Variants in SYNPO2 observed in about 807,000 individuals in gnomAD.
SYNPO2 encodes synaptopodin 2.
SYNPO2 carries 56 observed loss-of-function variants against 85.0 expected under a neutral mutation model. That is an observed-to-expected ratio of 0.66 (90% CI 0.53 to 0.82). The LOEUF is 0.82. Ranked by LOEUF, SYNPO2 falls within the 40% of genes least tolerant of loss-of-function variation. SYNPO2 has a pLI of 0.00. For synonymous variants in SYNPO2, 602 were observed against 591.1 expected (o/e 1.02, Z -0.27); for missense variants, 1,575 against 1,534.2 (o/e 1.03, Z -0.44).
chr4:118,961,234 A>C (rs1181775260), intron 1 of SYNPO2, among the ~76,000 whole-genome samples: 1 of 151,942 alleles, frequency 6.6e-6, no homozygotes, highest in Non-Finnish European at 1.5e-5. Context: ...ACTGCACAGA[A>C]TATCCCCCCG....
At chr4:119,010,519 G>A (rs1032032037) in intron 1 of SYNPO2, among the ~76,000 whole-genome samples, 3 of 152,180 alleles carry the variant, frequency 2.0e-5, no homozygotes, top group Admixed American at 2.0e-4. Flanking sequence ...CCCACAACAT[G>A]TGGGAATTAT....
Position 119,030,678 on chromosome 4 carries a change from G to C in SYNPO2, c.1903G>C (p.Gly635Arg), listed in dbSNP as rs1738196477. Residue 635 changes from glycine to arginine, a missense_variant, in exon 4 of 5, where the codon GGG becomes CGG. Gly to Arg is a moderately radical substitution (Grantham distance 125). Coordinates refer to ENST00000307142, the MANE Select transcript of SYNPO2 (RefSeq NM_133477.3). ...VTPPPDAFSRGVSSPIAGPAQ... is the reference protein window; with the variant it reads ...VTPPPDAFSRRVSSPIAGPAQ... ...TCCTCCCCCTGACGCCTTCTCCAGA[G>C]GGGTTTCAAGTCCGATTGCTGGCCC... 2 of 1,614,194 alleles carry C rather than the reference G, an allele frequency of 1.2e-6. No individual in the cohort carries two copies. Among genetic ancestry groups the C allele is most frequent in the Middle Eastern group, 1.6e-4 (1 of 6,062 alleles).
intron 1 of SYNPO2, among the ~76,000 whole-genome samples, chr4:118,948,498 A>G (rs1734580112): frequency 6.6e-6 from 1 of 152,140 alleles, no homozygotes; most frequent in Admixed American, 6.5e-5. Context: ...ATAAAGGAAT[A>G]CCTGAGGCTG....
Position 119,057,987 on chromosome 4 carries a change from C to G in SYNPO2, c.*53C>G. On this transcript the variant is annotated 3_prime_UTR_variant, in exon 5 of 5. Transcript: ENST00000307142. ...CTGTAGTTTTTTAAAAAAAACGCTC[C>G]TTTGTAGGGTTTTAAACTTTTCTAA... is the stretch of plus-strand genomic sequence containing the variant. 3.9e-6 allele frequency: 6 copies of G among 1,539,674 alleles called. No homozygotes were observed. Among genetic ancestry groups the G allele is most frequent in the Non-Finnish European group, 5.2e-6 (6 of 1,146,790 alleles).
At position 119,058,068 on chromosome 4, in the gene SYNPO2, T is replaced by C; in HGVS notation, c.*134T>C. The C allele has an allele frequency of 1.1e-6, 1 of 922,422 alleles. No homozygotes were observed. The highest frequency in any genetic ancestry group is 2.9e-5 in the East Asian group (1 of 34,956). 57.1% of individuals were successfully genotyped at this position (922,422 alleles called of 1,614,324 possible). A position where few individuals can be genotyped will look rare whatever the true frequency, so the allele number is the denominator to read the frequency against. ...GTTCTCATAAGTCATTTATCTAAGTTTGTGTTTCTGTGTGTGTGTGTGTGT... is the reference window on the plus strand; with the variant it reads ...GTTCTCATAAGTCATTTATCTAAGTCTGTGTTTCTGTGTGTGTGTGTGTGT... On this transcript the variant is annotated 3_prime_UTR_variant, in exon 5 of 5. Coordinates refer to ENST00000307142, the MANE Select transcript of SYNPO2 (RefSeq NM_133477.3).
chr4:118,951,619 C>T (rs189620708), intron 1 of SYNPO2, among the ~76,000 whole-genome samples: 13 of 152,120 alleles, frequency 8.5e-5, no homozygotes, highest in Admixed American at 8.5e-4. Flanking sequence ...TTTTACTGCT[C>T]AACAAAATGA....
At chr4:118,853,666 C>A (rs1330976998) in intron 1 of SYNPO2, among the ~76,000 whole-genome samples, 4 of 152,092 alleles carry the variant, frequency 2.6e-5, no homozygotes, top group Non-Finnish European at 1.5e-5. Context: ...ACTCAAGTGG[C>A]TAGGGTGAGT....
chr4:118,958,546 G>T (rs1398054109), intron 1 of SYNPO2, among the ~76,000 whole-genome samples: 1 of 152,060 alleles, frequency 6.6e-6, no homozygotes, highest in Non-Finnish European at 1.5e-5. Flanking sequence ...TAGGTGTGAG[G>T]GTGGGCAATG....
chr4:119,027,274 A>G lies in SYNPO2; in HGVS notation c.905A>G (p.Gln302Arg). Reference protein sequence around the residue: ...DRQKTEGCRLQAGKECVDSPV... With the variant: ...DRQKTEGCRLRAGKECVDSPV... ...CAGAAGACAGAAGGGTGCAGGCTTC[A>G]GGCAGGAAAGGAGTGTGTGGATTCT... Residue 302 changes from glutamine (Q) to arginine (R), a missense_variant, in exon 3 of 5, where the codon CAG (glutamine) becomes CGG (arginine). Physicochemically the swap from Gln to Arg is conservative, Grantham distance 43. This residue lies in a region of SYNPO2 where 1,508 missense variants were observed against 1,446.8 expected (regional missense o/e 1.04). Transcript: ENST00000307142. The G allele has an allele frequency of 6.2e-7, 1 of 1,614,180 alleles. No homozygotes were observed. Among genetic ancestry groups the G allele is most frequent in the Non-Finnish European group, 8.5e-7 (1 of 1,180,042 alleles).
rs1737996830 is a variant in SYNPO2 at position 119,027,164 on chromosome 4, CAG to C, written c.800_801del (p.Glu267ValfsTer8). ...SSKIIQISSG[R>X]ELRVIQESEA... is the part of the protein sequence containing the mutation. ...GCAAGATAATCCAGATCTCCAGTGG[CAG>C]AGAGTTGAGAGTGATCCAGGAAAGT... On this transcript the variant is annotated frameshift_variant, in exon 3 of 5. Coordinates refer to ENST00000307142, the MANE Select transcript of SYNPO2 (RefSeq NM_133477.3). LOFTEE classifies it high-confidence loss of function. 1.2e-6 allele frequency: 2 copies of C among 1,614,152 alleles called. No individual in the cohort carries two copies. The highest frequency in any genetic ancestry group is 3.3e-5 in the Admixed American group (2 of 60,018).
At chr4:118,958,047 T>G (rs144671692) in intron 1 of SYNPO2, among the ~76,000 whole-genome samples, 14 of 152,328 alleles carry the variant, frequency 9.2e-5, no homozygotes, top group African/African-American at 3.1e-4. Flanking sequence ...TGTTGAACTT[T>G]TGACTTTTGG....
chr4:118,926,060 A>G (rs1429346541), intron 1 of SYNPO2, among the ~76,000 whole-genome samples: 2 of 152,164 alleles, frequency 1.3e-5, no homozygotes, highest in Non-Finnish European at 2.9e-5. Context: ...AGTAGGAGAA[A>G]TATGGTTGCA....
chr4:118,967,624 C>T (rs938426539), intron 1 of SYNPO2, among the ~76,000 whole-genome samples: 1 of 152,212 alleles, frequency 6.6e-6, no homozygotes, highest in Non-Finnish European at 1.5e-5. Context: ...GAACCATTTG[C>T]CTCACTTGGG....
rs1429009520 is a variant in SYNPO2, at chr4:119,035,765, A to T, written c.3252+3738A>T. ...AGCAGGCATTGTAGGACAGCTGAGA[A>T]TTATCACATAGCCTAAATTCTAGCC... On this transcript the variant is annotated intron_variant, in intron 4 of 4. Coordinates refer to ENST00000307142, the MANE Select transcript of SYNPO2 (RefSeq NM_133477.3). The T allele has an allele frequency of 3.1e-6, 3 of 981,296 alleles. No homozygotes were observed. The African/African-American group carries it at 5.4e-5, about 18-fold the overall frequency. The allele number at this position is 981,296 out of a possible 1,614,324, so 60.8% of individuals were successfully genotyped here.
In SYNPO2 at chr4:118,879,926, G is replaced by C. The variant is rs144761793; in HGVS notation, c.12+28986G>C. ...CCTGTTGCCTGTCAGCAGCATGGAG[G>C]TCTGCACTACTTTAGAGACCCAGGA... On this transcript the variant is annotated intron_variant, in intron 1 of 4. Transcript: ENST00000610556. Among the ~76,000 whole-genome samples, 264 of 151,868 alleles carry C rather than the reference G, an allele frequency of 1.7e-3. 1 individual carries two copies. The highest frequency in any genetic ancestry group is 4.9e-3 in the Admixed American group (75 of 15,236).
intron 1 of SYNPO2, among the ~76,000 whole-genome samples, chr4:118,914,082 A>G (rs1578544829): frequency 1.3e-5 from 2 of 152,308 alleles, no homozygotes; most frequent in South Asian, 2.1e-4. Context: ...TAGGATATGG[A>G]TGGTGGGGTC....
intron 1 of SYNPO2, among the ~76,000 whole-genome samples, chr4:118,988,189 C>A (rs1009691890): frequency 2.6e-5 from 4 of 152,116 alleles, no homozygotes; most frequent in African/African-American, 9.7e-5. Context: ...TTTGCCAGTA[C>A]TTCTAACATT....
At chr4:118,960,452 A>C (rs1388731629) in intron 1 of SYNPO2, among the ~76,000 whole-genome samples, 1 of 152,194 alleles carries the variant, frequency 6.6e-6, no homozygotes, top group Non-Finnish European at 1.5e-5. Context: ...TAAAATGGTA[A>C]AATCGTAAAT....
intron 1 of SYNPO2, among the ~76,000 whole-genome samples, chr4:118,914,997 G>A (rs2149125702): frequency 1.1e-5 from 1 of 87,866 alleles, no homozygotes; most frequent in Admixed American, 1.6e-4. Flanking sequence ...AATACTAGAT[G>A]CAAAAAAGTT....
Sources: gnomAD v4.1 joint callset for allele counts (sites outside exome capture counted in the v4.1 genomes callset) on GRCh38, gnomAD v4.1.1 for gene constraint, gnomAD v4.1.1 regional missense constraint, MANE v1.5 for transcripts, NCBI Gene and HGNC (gene_info 2026-07-23, HGNC 2026-07-21) for gene names.